The following SPOPL variants were observed in gnomAD, a reference collection of about 807,000 sequenced individuals.
The protein encoded by SPOPL is speckle type BTB/POZ protein like, also known as speckle-type POZ protein-like.
A neutral mutation model predicts 53.8 loss-of-function variants in SPOPL; 23 were observed. The observed-to-expected ratio is 0.43, with a 90% CI of 0.31 to 0.61. The LOEUF (loss-of-function observed/expected upper bound fraction) is 0.61. Ranked by LOEUF, SPOPL falls within the 20% of genes least tolerant of loss-of-function variation. SPOPL has a pLI of 0.12. For missense variants in SPOPL, 442 were observed against 466.9 expected, an observed-to-expected ratio of 0.95 and a Z score of 0.49; for synonymous variants, 164 against 149.7, an observed-to-expected ratio of 1.10 and a Z score of -0.70.
intron 5 of SPOPL, 53 bp downstream of exon 5, chr2:138,552,734 A>G: frequency 1.9e-6 from 3 of 1,568,602 alleles, no homozygotes; most frequent in Non-Finnish European, 2.6e-6. Flanking sequence ...TGATATGGCA[A>G]AAGTATAAAC....
At chr2:138,555,644 T>G (rs1287042931) in intron 5 of SPOPL, among the ~76,000 whole-genome samples, 1 of 152,220 alleles carries the variant, frequency 6.6e-6, no homozygotes, top group Non-Finnish European at 1.5e-5. Context: ...AATTCCTGGC[T>G]TTTAGAATTA....
intron 1 of SPOPL, among the ~76,000 whole-genome samples, chr2:138,522,069 C>G (rs1261592435): frequency 1.3e-5 from 2 of 152,106 alleles, no homozygotes; most frequent in Non-Finnish European, 2.9e-5. Flanking sequence ...GACCCGGACC[C>G]GCTGAACCCT....
intron 1 of SPOPL, among the ~76,000 whole-genome samples, chr2:138,535,746 T>A (rs977180581): frequency 6.6e-6 from 1 of 152,102 alleles, no homozygotes; most frequent in African/African-American, 2.4e-5. Context: ...GTCTTTCTTC[T>A]CCTTCTGATA....
At chr2:138,566,015 T>C (rs1685652825) in intron 10 of SPOPL, among the ~76,000 whole-genome samples, 1 of 152,216 alleles carries the variant, frequency 6.6e-6, no homozygotes, top group African/African-American at 2.4e-5. Flanking sequence ...ATTACAGAAG[T>C]GAGCCACCGT....
chr2:138,555,903 G>A (rs557355134), intron 5 of SPOPL, among the ~76,000 whole-genome samples: 3 of 151,732 alleles, frequency 2.0e-5, no homozygotes, highest in African/African-American at 2.4e-5. Flanking sequence ...TTTGAAAGAA[G>A]CATAACTTTG....
In SPOPL at chr2:138,569,816, A is replaced by G. The variant is rs556697960; in HGVS notation, c.*736A>G. 6.6e-6 allele frequency: 1 copy of G among 152,570 alleles called. No homozygotes were observed. The highest frequency in any genetic ancestry group is 6.5e-5 in the Admixed American group (1 of 15,284). 9.5% of individuals were successfully genotyped at this position (152,570 alleles called of 1,614,324 possible). ...TATTGTGTGGAAGTAATTTTTTTTT[A>G]ATTTATACTGACCTACATTTATACG... On this transcript the variant is annotated 3_prime_UTR_variant, in exon 11 of 11. Transcript: ENST00000280098.
In SPOPL at chr2:138,546,964, T is replaced by TTTTAA. The variant is rs1263862235; in HGVS notation, c.-60-3189_-60-3188insATTTA. ...CTTTTATGTAGCTTGCTTTTATTTTTTTTATTTTATTTTATTTTTGAGATG... is the reference window on the plus strand; with the variant it reads ...CTTTTATGTAGCTTGCTTTTATTTTTTTTAATTTATTTTATTTTATTTTTGAGATG... On this transcript the variant is annotated intron_variant, in intron 1 of 10. Transcript: ENST00000280098. 2.2e-4 allele frequency among the ~76,000 whole-genome samples: 33 copies of TTTTAA among 151,754 alleles called. No homozygotes were observed. The South Asian group carries it at 6.4e-3, about 30-fold the overall frequency.
chr2:138,506,262 G>A (rs900965319), intron 1 of SPOPL, among the ~76,000 whole-genome samples: 2 of 152,096 alleles, frequency 1.3e-5, no homozygotes, highest in African/African-American at 2.4e-5. Context: ...ATTCATTCTG[G>A]TATTTAGTAA....
chr2:138,554,483 C>G (rs554905790), intron 5 of SPOPL: 4 of 1,289,586 alleles, frequency 3.1e-6, no homozygotes, highest in African/African-American at 1.5e-5. Flanking sequence ...ATTGCACTAC[C>G]CTTCCTAAAG....
chr2:138,529,536 T>G (rs148193142), intron 1 of SPOPL, among the ~76,000 whole-genome samples: 9,343 of 97,534 alleles, frequency 0.096, 317 homozygotes, highest in Middle Eastern at 0.14. Flanking sequence ...GTGTGTGTGT[T>G]TGCGTGCGCG....
At chr2:138,510,017 CAT>C (rs1254157457) in intron 1 of SPOPL, among the ~76,000 whole-genome samples, 1 of 152,152 alleles carries the variant, frequency 6.6e-6, no homozygotes, top group Non-Finnish European at 1.5e-5. Context: ...TAGTATTATG[CAT>C]TTTAAGTTTC....
intron 5 of SPOPL, 100 bp from the exon 6 acceptor site, chr2:138,558,922 A>G: frequency 1.0e-6 from 1 of 967,382 alleles, no homozygotes; most frequent in Admixed American, 3.5e-5. Context: ...ACATTGAATT[A>G]TCCAAATAAG....
At chr2:138,512,125 C>T (rs371445173) in intron 1 of SPOPL, among the ~76,000 whole-genome samples, 9 of 151,952 alleles carry the variant, frequency 5.9e-5, no homozygotes, top group Non-Finnish European at 1.0e-4. Context: ...AGGAAAAGAG[C>T]CTTATCAAAT....
intron 1 of SPOPL, among the ~76,000 whole-genome samples, chr2:138,530,300 G>GCACA (rs1684779419): frequency 1.3e-5 from 2 of 152,114 alleles, no homozygotes; most frequent in African/African-American, 4.8e-5. Context: ...ACACATGTGT[G>GCACA]CATGTGTCTT....
In SPOPL at chr2:138,541,475, G is replaced by A. The variant is rs534880887; in HGVS notation, c.-60-8682G>A. On this transcript the variant is annotated intron_variant, in intron 1 of 10. Transcript: ENST00000280098. ...CTTCTTCCTGGTTTAGTCTTGGGAGGGTGTATGTGTTGAGGAATTCATCCA... is the reference window on the plus strand; with the variant it reads ...CTTCTTCCTGGTTTAGTCTTGGGAGAGTGTATGTGTTGAGGAATTCATCCA... Among the ~76,000 whole-genome samples, 11 of 146,492 alleles carry A rather than the reference G, an allele frequency of 7.5e-5. No homozygotes were observed. The South Asian group carries it at 2.3e-3, about 30-fold the overall frequency.
intron 1 of SPOPL, among the ~76,000 whole-genome samples, chr2:138,508,947 A>G (rs560809867): frequency 1.3e-5 from 2 of 152,206 alleles, no homozygotes; most frequent in African/African-American, 4.8e-5. Context: ...ACATAACTAT[A>G]GCTCCTGTTT....
chr2:138,535,976 T>TA lies in SPOPL; in HGVS notation c.-60-14173dup, dbSNP rs1349217366. On this transcript the variant is annotated intron_variant, in intron 1 of 10. Transcript: ENST00000280098. ...CTCCAGAATTTTTATTTGGTTCTTT[T>TA]AAAAAAAATAACCTTTACCTTTTTG... is the stretch of plus-strand genomic sequence containing the variant. 5.3e-5 allele frequency among the ~76,000 whole-genome samples: 8 copies of TA among 152,120 alleles called. No individual in the cohort carries two copies. The East Asian group carries it at 9.7e-4, about 18-fold the overall frequency.
At chr2:138,558,077 C>T (rs892482290) in intron 5 of SPOPL, among the ~76,000 whole-genome samples, 2 of 152,146 alleles carry the variant, frequency 1.3e-5, no homozygotes, top group Admixed American at 1.3e-4. Context: ...AGGAGAATTA[C>T]TTGAACCCAG....
At chr2:138,502,756 C>T (rs1438735572) in intron 1 of SPOPL, among the ~76,000 whole-genome samples, 1 of 152,178 alleles carries the variant, frequency 6.6e-6, no homozygotes, top group Non-Finnish European at 1.5e-5. Flanking sequence ...CTTCAAAGAG[C>T]CCACTTGTAT....
Sources: allele counts gnomAD v4.1 joint callset (sites outside exome capture counted in the v4.1 genomes callset), GRCh38; gene constraint gnomAD v4.1.1; transcripts MANE v1.5; gene names NCBI Gene and HGNC (gene_info 2026-07-23, HGNC 2026-07-21).